The following TMEM165 variants were observed in gnomAD, a reference collection of about 807,000 sequenced individuals.
The protein encoded by TMEM165 is putative divalent cation/proton antiporter TMEM165.
A neutral mutation model predicts 30.0 loss-of-function variants in TMEM165; 19 were observed. The ratio of observed to expected loss-of-function variants is 0.63; its 90% CI spans 0.44 to 0.93. The LOEUF (loss-of-function observed/expected upper bound fraction) is 0.93, where lower values mean the gene tolerates loss of function less well. TMEM165 is among the 40% of genes least tolerant of loss of function. TMEM165 has a pLI of 0.00. For missense variants in TMEM165, 340 were observed against 417.0 expected (o/e 0.82, Z 1.61); for synonymous variants, 168 against 162.9 (o/e 1.03, Z -0.24).
downstream of TMEM165, among the ~76,000 whole-genome samples, chr4:55,426,868 A>G (rs971826248): frequency 6.6e-6 from 1 of 152,192 alleles, no homozygotes; most frequent in African/African-American, 2.4e-5. Flanking sequence ...CCAAGTTAGA[A>G]GTAGCACATG....
At chr4:55,442,521 G>A (rs774526208) in intron 3 of TMEM165, 40 of 1,609,152 alleles carry the variant, frequency 2.5e-5, no homozygotes, top group East Asian at 6.7e-5. Context: ...CCATGCTTCC[G>A]GCTGCAGGCT....
intron 1 of TMEM165, among the ~76,000 whole-genome samples, chr4:55,407,065 G>A (rs767979584): frequency 1.2e-4 from 19 of 152,202 alleles, no homozygotes; most frequent in Admixed American, 6.5e-5. Context: ...ACTTTTTTCT[G>A]TAATAGGCCT....
chr4:55,428,147 A>G (rs1560401286), downstream of TMEM165: 2 of 152,248 alleles, frequency 1.3e-5, no homozygotes, highest in Non-Finnish European at 2.9e-5. Context: ...TTCTGAATAC[A>G]TGACAAGAGT....
chr4:55,396,702 A>C (rs972137348), intron 1 of TMEM165, among the ~76,000 whole-genome samples: 1 of 152,184 alleles, frequency 6.6e-6, no homozygotes, highest in Non-Finnish European at 1.5e-5. Context: ...AGTAGCTAGA[A>C]AGACTCATCC....
chr4:55,447,794 A>G (rs189708240), intron 3 of TMEM165, among the ~76,000 whole-genome samples: 67 of 152,342 alleles, frequency 4.4e-4, no homozygotes, highest in Non-Finnish European at 4.4e-5. Flanking sequence ...GTTTTCACCT[A>G]TTATTAATGA....
chr4:55,412,996 T>C (rs972506341), intron 2 of TMEM165, among the ~76,000 whole-genome samples: 1 of 151,994 alleles, frequency 6.6e-6, no homozygotes, highest in Non-Finnish European at 1.5e-5. Flanking sequence ...TATTTTTTTT[T>C]AGAGACTGAG....
chr4:55,396,756 T>G (rs1720746607), intron 1 of TMEM165, among the ~76,000 whole-genome samples: 2 of 152,214 alleles, frequency 1.3e-5, no homozygotes, highest in Admixed American at 1.3e-4. Flanking sequence ...AGGCTTTTTG[T>G]ATTCCCTGAG....
rs1560399735 is a variant in TMEM165, at chr4:55,426,138, CAT to C, written c.*688_*689del. ...TTTCTATATTGAATAAACAATGTAACATAGATAACAATATAAATAAAAGTGGT... is the reference window on the plus strand; with the variant it reads ...TTTCTATATTGAATAAACAATGTAACAGATAACAATATAAATAAAAGTGGT... On this transcript the variant is annotated 3_prime_UTR_variant, in exon 6 of 6. Transcript: ENST00000381334. The C allele has an allele frequency of 6.6e-6, 1 of 151,824 alleles. No homozygotes were observed. Among genetic ancestry groups the C allele is most frequent in the Non-Finnish European group, 1.5e-5 (1 of 67,982 alleles). 9.4% of individuals were successfully genotyped at this position (151,824 alleles called of 1,614,324 possible). A position where few individuals can be genotyped will look rare whatever the true frequency, so the allele number is the denominator to read the frequency against.
In TMEM165 at chr4:55,413,120, T is replaced by C. The variant is rs1721582515; in HGVS notation, c.433+1281T>C. On this transcript the variant is annotated intron_variant, in intron 2 of 5. Transcript: ENST00000381334. ...TCAGCCTCCTGAGTAGCTGGGACCA[T>C]AGGCTCATGCCACCATGCCCAGCTA... Among the ~76,000 whole-genome samples, 3 of 150,820 alleles carry C rather than the reference T, an allele frequency of 2.0e-5. No homozygotes were observed. In the South Asian group the frequency reaches 6.3e-4, roughly 32 times the overall value.
rs1359537574 is a variant in TMEM165 at position 55,400,305 on chromosome 4, T to TA, written c.207+3910dup. 2.5e-3 allele frequency among the ~76,000 whole-genome samples: 264 copies of TA among 104,410 alleles called. 2 individuals are homozygous for TA. Among genetic ancestry groups the TA allele is most frequent in the African/African-American group, 9.1e-3 (238 of 26,078 alleles). The allele number at this position is 104,410 out of a possible 152,430, so 68.5% of individuals were successfully genotyped here. On this transcript the variant is annotated intron_variant, in intron 1 of 5. Transcript: ENST00000381334. ...ATTATATATTATATATAATATTATATATAATATTAATACTGTATTATATAT... is the reference window on the plus strand; with the variant it reads ...ATTATATATTATATATAATATTATATAATAATATTAATACTGTATTATATAT...
At chr4:55,434,577 T>C (rs1175994549) in intron 3 of TMEM165, 4 of 142,352 alleles carry the variant, frequency 2.8e-5, no homozygotes, top group Admixed American at 7.6e-5. Context: ...TCCTGTTGTA[T>C]CAATAATTTA....
At chr4:55,427,036 A>AT (rs1195135340), downstream of TMEM165, among the ~76,000 whole-genome samples, 332 of 56,552 alleles carry the variant, frequency 5.9e-3, 5 homozygotes, top group South Asian at 0.035. Flanking sequence ...TCTCACTAGT[A>AT]TTTTTTTTTT....
At chr4:55,407,946 A>G (rs951710402) in intron 1 of TMEM165, among the ~76,000 whole-genome samples, 3 of 152,108 alleles carry the variant, frequency 2.0e-5, no homozygotes, top group Non-Finnish European at 4.4e-5. Context: ...GGGTGTACCT[A>G]TTGGCCCAAG....
intron 3 of TMEM165, chr4:55,433,672 T>C (rs1722668535): frequency 6.6e-6 from 1 of 152,228 alleles, no homozygotes; most frequent in South Asian, 2.1e-4. Flanking sequence ...TAATAATGTA[T>C]TTTCTACTAA....
intron 1 of TMEM165, among the ~76,000 whole-genome samples, chr4:55,400,208 T>A (rs1327599978): frequency 9.7e-5 from 3 of 30,952 alleles, no homozygotes; most frequent in African/African-American, 5.0e-4. Context: ...ATATAATTTA[T>A]ATTTATATTA....
At chr4:55,453,161 G>A (rs747576587) in exon 4 of TMEM165, 4 of 1,551,254 alleles carry the variant, frequency 2.6e-6, no homozygotes, top group Non-Finnish European at 3.6e-6. Context: ...AAATTTTAGT[G>A]TCTGGTCATT....
chr4:55,415,571 T>A (rs371083518), intron 2 of TMEM165: 13 of 152,330 alleles, frequency 8.5e-5, no homozygotes, highest in South Asian at 8.3e-4. Flanking sequence ...GCCTCTTGTC[T>A]TTTTCAGTGG....
intron 3 of TMEM165, chr4:55,444,650 G>A: frequency 1.2e-6 from 2 of 1,614,042 alleles, no homozygotes; most frequent in Non-Finnish European, 1.7e-6. Context: ...CCCTGACCAT[G>A]GACCATCTGA....
chr4:55,430,179 TTTGA>T (rs1480853736), downstream of TMEM165: 1 of 152,034 alleles, frequency 6.6e-6, no homozygotes, highest in Non-Finnish European at 1.5e-5. Context: ...TACTTACTAG[TTTGA>T]TTGTCACTTA....
Sources: allele counts gnomAD v4.1 joint callset (sites outside exome capture counted in the v4.1 genomes callset), GRCh38; gene constraint gnomAD v4.1.1; transcripts MANE v1.5; gene names NCBI Gene and HGNC (gene_info 2026-07-23, HGNC 2026-07-21).